ZNF106: variants seen among roughly 807,000 people sequenced by gnomAD.
The protein encoded by ZNF106 is zinc finger protein 106, also known as SH3-domain binding protein 3.
Under a neutral mutation model 195.1 loss-of-function variants are expected in ZNF106, and 67 were observed. The ratio of observed to expected loss-of-function variants is 0.34; its 90% CI spans 0.28 to 0.42. The LOEUF is 0.42. Ranked by LOEUF, ZNF106 falls within the 10% of genes least tolerant of loss-of-function variation. The pLI is 1.00. For missense variants in ZNF106, 2,118 were observed against 2,304.5 expected, an observed-to-expected ratio of 0.92 and a Z score of 1.66; for synonymous variants, 784 against 818.6, an observed-to-expected ratio of 0.96 and a Z score of 0.72.
intron 9 of ZNF106, among the ~76,000 whole-genome samples, chr15:42,443,855 C>G (rs1237585252): frequency 6.6e-6 from 1 of 152,008 alleles, no homozygotes; most frequent in Non-Finnish European, 1.5e-5. Flanking sequence ...GCCTGTAATC[C>G]CAGAACTTTG....
At chr15:42,457,482 C>A in intron 3 of ZNF106, 1 of 1,189,724 alleles carries the variant, frequency 8.4e-7, no homozygotes, top group Non-Finnish European at 1.0e-6. Context: ...GCAGGGGGCT[C>A]AGAGCAAGCA....
chr15:42,489,766 T>G (rs1350656223), intron 1 of ZNF106, among the ~76,000 whole-genome samples: 1 of 152,158 alleles, frequency 6.6e-6, no homozygotes, highest in African/African-American at 2.4e-5. Flanking sequence ...CCGGGCGTGG[T>G]GGCTCAAGCC....
intron 3 of ZNF106, among the ~76,000 whole-genome samples, chr15:42,462,211 G>T (rs2056407032): frequency 6.6e-6 from 1 of 152,142 alleles, no homozygotes; most frequent in African/African-American, 2.4e-5. Context: ...CAGTGTAGTT[G>T]CATGGGTGGA....
chr15:42,443,995 T>G (rs1412177654), intron 9 of ZNF106, among the ~76,000 whole-genome samples: 1 of 150,936 alleles, frequency 6.6e-6, no homozygotes, highest in East Asian at 2.0e-4. Flanking sequence ...CACCTGTAAT[T>G]CCAGCTAATC....
intron 14 of ZNF106, among the ~76,000 whole-genome samples, chr15:42,434,992 C>A (rs781003296): frequency 6.6e-6 from 1 of 152,098 alleles, no homozygotes; most frequent in Non-Finnish European, 1.5e-5. Context: ...AGGCTGGTCT[C>A]AAACTCCCAA....
In ZNF106 at chr15:42,457,091, T is replaced by C; in HGVS notation, c.184A>G (p.Ile62Val). ...EVGLSAYAKH[I>V]SGQLHKDNVD... ...TTATCTTTGTGCAACTGGCCAGAAA[T>C]GTGCTTTGCATATGCAGAAAGACCC... The change falls in exon 4 of 22, where the codon ATT becomes GTT. Residue 62 changes from isoleucine (I) to valine (V), a missense_variant. Coordinates refer to ENST00000564754, the MANE Select transcript of ZNF106 (RefSeq NM_001366845.3). 1 of 1,613,826 alleles carries C rather than the reference T, an allele frequency of 6.2e-7. No individual in the cohort carries two copies. The highest frequency in any genetic ancestry group is 8.5e-7 in the Non-Finnish European group (1 of 1,179,874).
rs1028189475 is a variant in ZNF106 at position 42,428,609 on chromosome 15, T to G, written c.4882-475A>C. 2.0e-5 allele frequency among the ~76,000 whole-genome samples: 3 copies of G among 152,198 alleles called. No individual in the cohort carries two copies. The East Asian group carries it at 5.8e-4, about 29-fold the overall frequency. ...CTGGTGCCAGGTTAGCTGGGCTAAA[T>G]TACTCAAGAGGCTTTTAAAATACAT... On this transcript the variant is annotated intron_variant, in intron 14 of 21. Coordinates refer to ENST00000564754, the MANE Select transcript of ZNF106 (RefSeq NM_001366845.3).
At chr15:42,473,853 G>A (rs1376832390) in intron 1 of ZNF106, among the ~76,000 whole-genome samples, 1 of 152,192 alleles carries the variant, frequency 6.6e-6, no homozygotes, top group East Asian at 1.9e-4. Context: ...AAATGTGGCA[G>A]AAGTGATGCT....
chr15:42,479,467 T>C (rs1000749662), intron 1 of ZNF106, among the ~76,000 whole-genome samples: 1 of 152,226 alleles, frequency 6.6e-6, no homozygotes, highest in Non-Finnish European at 1.5e-5. Flanking sequence ...GCCCAGCATC[T>C]GGTTTATATA....
rs1595446653 is a variant in ZNF106, at chr15:42,433,887, C to T, written c.4881+1497G>A. Among the ~76,000 whole-genome samples, 3 of 152,190 alleles carry T rather than the reference C, an allele frequency of 2.0e-5. No homozygotes were observed. The South Asian group carries it at 6.2e-4, about 32-fold the overall frequency. ...TTTTTGAGGCAGGTTCTTGTTCTGT[C>T]ACCCAGGCTGTAGTGAAGTGACACA... On this transcript the variant is annotated intron_variant, in intron 14 of 21. Coordinates refer to ENST00000564754, the MANE Select transcript of ZNF106 (RefSeq NM_001366845.3).
At chr15:42,452,842 C>A (rs1242697070) in intron 4 of ZNF106, among the ~76,000 whole-genome samples, 1 of 151,804 alleles carries the variant, frequency 6.6e-6, no homozygotes, top group African/African-American at 2.4e-5. Context: ...TGCGCCACCA[C>A]ACCCGGCTAA....
intron 14 of ZNF106, among the ~76,000 whole-genome samples, chr15:42,429,883 C>G (rs762621841): frequency 3.5e-4 from 53 of 151,944 alleles, no homozygotes; most frequent in Non-Finnish European, 1.0e-4. Flanking sequence ...CATAAAAGAA[C>G]ACATGTGGTA....
intron 3 of ZNF106, among the ~76,000 whole-genome samples, chr15:42,463,666 G>A (rs1013097017): frequency 2.0e-5 from 3 of 152,218 alleles, no homozygotes; most frequent in African/African-American, 7.2e-5. Flanking sequence ...AGGGTGTGGT[G>A]GCACACGCCT....
chr15:42,458,609 G>A (rs113927352), intron 3 of ZNF106, among the ~76,000 whole-genome samples: 3,097 of 151,880 alleles, frequency 0.02, 110 homozygotes, highest in African/African-American at 0.071. Context: ...TCGGGAGGCT[G>A]AGGCAGGAGA....
At position 42,442,408 on chromosome 15, in the gene ZNF106, T is replaced by C. The variant is rs1180862228; in HGVS notation, c.3428A>G (p.Tyr1143Cys). The C allele has an allele frequency of 3.7e-6, 6 of 1,605,490 alleles. No homozygotes were observed. Among genetic ancestry groups the C allele is most frequent in the Non-Finnish European group, 5.1e-6 (6 of 1,174,220 alleles). The change falls in exon 10 of 22, where the codon TAT (tyrosine) becomes TGT (cysteine). Residue 1143 changes from tyrosine (Y) to cysteine (C), a missense_variant. By Grantham distance (194) the Tyr-to-Cys change is radical (BLOSUM62 -2). Transcript: ENST00000564754. Reference protein sequence around the residue: ...IQILQGLQETYEPSEHPDQVP... With the variant: ...IQILQGLQETCEPSEHPDQVP... Reference sequence around the variant, plus strand: ...CTGGTCTGGGTGCTCAGAAGGTTCATATGTTTCTAGAATGGGAAACATACA... The same window carrying C: ...CTGGTCTGGGTGCTCAGAAGGTTCACATGTTTCTAGAATGGGAAACATACA...
At chr15:42,487,490 CAAAAAAAAAAA>C (rs961444853) in intron 1 of ZNF106, among the ~76,000 whole-genome samples, 1 of 44,726 alleles carries the variant, frequency 2.2e-5, no homozygotes, top group East Asian at 8.6e-4. Context: ...GACCCTGTCT[CAAAAAAAAAAA>C]AAAAAAAAAA....
chr15:42,472,910 T>C (rs910255559), intron 1 of ZNF106, among the ~76,000 whole-genome samples: 1 of 149,914 alleles, frequency 6.7e-6, no homozygotes, highest in Non-Finnish European at 1.5e-5. Context: ...CTCAGGAGGC[T>C]AAGGCAGAAT....
At chr15:42,484,259 G>T (rs1481219533) in intron 1 of ZNF106, among the ~76,000 whole-genome samples, 1 of 152,130 alleles carries the variant, frequency 6.6e-6, no homozygotes, top group Non-Finnish European at 1.5e-5. Flanking sequence ...CAGAGCTACT[G>T]TAACTTACTT....
At chr15:42,425,597 G>C (rs1180677721) in intron 15 of ZNF106, 1 of 152,614 alleles carries the variant, frequency 6.6e-6, no homozygotes, top group Non-Finnish European at 1.5e-5. Flanking sequence ...CGCTTCCTGG[G>C]TTCAAGTGAG....
Sources: allele counts gnomAD v4.1 joint callset (sites outside exome capture counted in the v4.1 genomes callset), GRCh38; gene constraint gnomAD v4.1.1; transcripts MANE v1.5; gene names NCBI Gene and HGNC (gene_info 2026-07-23, HGNC 2026-07-21).